The following PARP8 variants were observed in gnomAD, a reference collection of about 807,000 sequenced individuals.
The protein encoded by PARP8 is poly(ADP-ribose) polymerase family member 8, also known as protein mono-ADP-ribosyltransferase PARP8.
In PARP8, 51 loss-of-function variants were observed where a neutral mutation model predicts 124.1. That is an observed-to-expected ratio of 0.41 (90% CI 0.33 to 0.52). The LOEUF (loss-of-function observed/expected upper bound fraction) is 0.52, where lower values mean the gene tolerates loss of function less well. PARP8 is among the 20% of genes least tolerant of loss of function. PARP8 has a pLI of 0.21. For missense variants in PARP8, 860 were observed against 1,018.9 expected (o/e 0.84, Z 2.12); for synonymous variants, 391 against 361.5 (o/e 1.08, Z -0.93).
chr5:50,718,454 C>T (rs964029587), intron 2 of PARP8, among the ~76,000 whole-genome samples: 12 of 151,292 alleles, frequency 7.9e-5, no homozygotes, highest in South Asian at 2.1e-4. Flanking sequence ...TGTGTGTATA[C>T]GTGTGTGTAT....
At chr5:50,670,527 A>G (rs182764132) in intron 2 of PARP8, among the ~76,000 whole-genome samples, 4 of 152,386 alleles carry the variant, frequency 2.6e-5, no homozygotes, top group Admixed American at 6.5e-5. Context: ...ATAATAAGAA[A>G]TGCCAAGAGG....
At chr5:50,752,410 T>A (rs1319765404) in intron 3 of PARP8, among the ~76,000 whole-genome samples, 1 of 152,064 alleles carries the variant, frequency 6.6e-6, no homozygotes, top group Non-Finnish European at 1.5e-5. Flanking sequence ...CCATGATTAT[T>A]ATCTCTTCTG....
intron 14 of PARP8, among the ~76,000 whole-genome samples, chr5:50,811,390 G>A (rs1040414898): frequency 4.6e-5 from 7 of 151,612 alleles, no homozygotes; most frequent in East Asian, 3.9e-4. Flanking sequence ...GAGAGGTCTC[G>A]GTGAAATTGC....
At chr5:50,790,540 C>T (rs543109645) in intron 10 of PARP8, among the ~76,000 whole-genome samples, 10 of 152,130 alleles carry the variant, frequency 6.6e-5, no homozygotes, top group African/African-American at 2.4e-4. Flanking sequence ...TGTACTTTTG[C>T]AAGACACTTA....
chr5:50,706,776 T>G (rs1476037149), intron 2 of PARP8, among the ~76,000 whole-genome samples: 3 of 151,996 alleles, frequency 2.0e-5, no homozygotes, highest in South Asian at 4.1e-4. Flanking sequence ...GAAGTAATAA[T>G]AAGAAGAAAG....
chr5:50,669,401 GT>G (rs1561220262), intron 2 of PARP8: 1 of 152,164 alleles, frequency 6.6e-6, no homozygotes, highest in Non-Finnish European at 1.5e-5. Context: ...TATTTTAACA[GT>G]TAAAATATAC....
At chr5:50,732,621 T>C (rs983375805) in intron 2 of PARP8, among the ~76,000 whole-genome samples, 1 of 152,030 alleles carries the variant, frequency 6.6e-6, no homozygotes, top group African/African-American at 2.4e-5. Context: ...TTTTTTTCTT[T>C]TTTTCCTTTT....
At chr5:50,709,958 A>G (rs1208552443) in intron 2 of PARP8, among the ~76,000 whole-genome samples, 1 of 125,412 alleles carries the variant, frequency 8.0e-6, no homozygotes, top group African/African-American at 2.8e-5. Context: ...ATATATATAC[A>G]CATACATATA....
intron 2 of PARP8, among the ~76,000 whole-genome samples, chr5:50,739,990 C>A (rs988992208): frequency 2.6e-5 from 4 of 151,804 alleles, no homozygotes; most frequent in African/African-American, 2.4e-5. Flanking sequence ...ACCTCATGAT[C>A]CACCCACCTT....
At chr5:50,810,800 C>A (rs1306770358) in intron 14 of PARP8, among the ~76,000 whole-genome samples, 3 of 151,940 alleles carry the variant, frequency 2.0e-5, no homozygotes, top group Admixed American at 1.3e-4. Flanking sequence ...CTACTTGAAC[C>A]TTCTAGTAAA....
intron 2 of PARP8, among the ~76,000 whole-genome samples, chr5:50,711,505 A>G (rs1273538145): frequency 1.3e-5 from 2 of 151,896 alleles, no homozygotes; most frequent in African/African-American, 2.4e-5. Context: ...TCATTTCTGG[A>G]TGTGATATTG....
chr5:50,706,986 C>T (rs1178887638), intron 2 of PARP8, among the ~76,000 whole-genome samples: 9 of 151,968 alleles, frequency 5.9e-5, no homozygotes, highest in Non-Finnish European at 1.2e-4. Context: ...AATCATTACT[C>T]AAGAGTTTCA....
At chr5:50,672,038 C>T (rs1005823076) in intron 2 of PARP8, among the ~76,000 whole-genome samples, 1 of 152,180 alleles carries the variant, frequency 6.6e-6, no homozygotes, top group Non-Finnish European at 1.5e-5. Flanking sequence ...GCACAGGCTC[C>T]TTCCTCTTTC....
intron 2 of PARP8, among the ~76,000 whole-genome samples, chr5:50,689,552 A>C (rs1752264016): frequency 6.6e-6 from 1 of 152,200 alleles, no homozygotes; most frequent in Non-Finnish European, 1.5e-5. Context: ...ACCTCAGCCC[A>C]AAAGTGACAC....
At chr5:50,706,500 C>A (rs1754161628) in intron 2 of PARP8, among the ~76,000 whole-genome samples, 1 of 151,956 alleles carries the variant, frequency 6.6e-6, no homozygotes, top group African/African-American at 2.4e-5. Context: ...AGAAACAAGC[C>A]TACTTAACAG....
At chr5:50,725,356 A>T (rs1483239435) in intron 2 of PARP8, among the ~76,000 whole-genome samples, 3 of 152,122 alleles carry the variant, frequency 2.0e-5, no homozygotes, top group Non-Finnish European at 4.4e-5. Flanking sequence ...GAACAATCTT[A>T]CATGTTTGTG....
intron 10 of PARP8, among the ~76,000 whole-genome samples, chr5:50,791,716 A>G (rs1741978621): frequency 6.6e-6 from 1 of 152,120 alleles, no homozygotes; most frequent in Non-Finnish European, 1.5e-5. Flanking sequence ...TTGAGTCTGC[A>G]CTGATCAAAC....
intron 14 of PARP8, among the ~76,000 whole-genome samples, chr5:50,809,509 T>A (rs1299342691): frequency 6.6e-6 from 1 of 152,082 alleles, no homozygotes; most frequent in Admixed American, 6.6e-5. Context: ...CACATTGAGT[T>A]AAGGCAGTAG....
At chr5:50,736,563 A>G (rs997496510) in intron 2 of PARP8, among the ~76,000 whole-genome samples, 1 of 152,190 alleles carries the variant, frequency 6.6e-6, no homozygotes, top group Non-Finnish European at 1.5e-5. Flanking sequence ...ATGTTTGCAT[A>G]CTAAATGAAG....
Sources: gnomAD v4.1 joint callset for allele counts (sites outside exome capture counted in the v4.1 genomes callset) on GRCh38, gnomAD v4.1.1 for gene constraint, MANE v1.5 for transcripts, NCBI Gene and HGNC (gene_info 2026-07-23, HGNC 2026-07-21) for gene names.